Variants in ATP9B observed in about 807,000 individuals in gnomAD.
ATP9B encodes the protein probable phospholipid-transporting ATPase IIB.
In ATP9B, 110 loss-of-function variants were observed where a neutral mutation model predicts 146.1. The ratio of observed to expected loss-of-function variants is 0.75; its 90% confidence interval spans 0.65 to 0.88. The LOEUF (loss-of-function observed/expected upper bound fraction) is 0.88. ATP9B is among the 40% of genes least tolerant of loss of function. The probability of loss-of-function intolerance (pLI) is 0.00; values close to 1 mark genes in which losing one functional copy is unlikely to be tolerated. For synonymous variants in ATP9B, 604 were observed against 569.7 expected (o/e 1.06, Z -0.86); for missense variants, 1,499 against 1,496.4 (o/e 1.00, Z -0.03).
intron 15 of ATP9B, among the ~76,000 whole-genome samples, chr18:79,327,464 C>G (rs951376787): frequency 5.0e-4 from 75 of 151,224 alleles, no homozygotes; most frequent in Non-Finnish European, 7.8e-4. Flanking sequence ...CCATGGTTAG[C>G]GTGTTCTCCG....
At chr18:79,217,935 GCT>G (rs1416233073) in intron 11 of ATP9B, among the ~76,000 whole-genome samples, 1 of 152,196 alleles carries the variant, frequency 6.6e-6, no homozygotes, top group African/African-American at 2.4e-5. Flanking sequence ...AATTCTGACA[GCT>G]CTCTGAGTAG....
intron 15 of ATP9B, among the ~76,000 whole-genome samples, chr18:79,315,191 T>C (rs558435116): frequency 5.4e-4 from 82 of 152,352 alleles, no homozygotes; most frequent in Non-Finnish European, 1.1e-3. Context: ...ATTAATAGTA[T>C]TGCTTTTGGG....
Position 79,109,406 on chromosome 18 carries a change from C to A in ATP9B, c.294-949C>A, listed in dbSNP as rs911000763. On this transcript the variant is annotated intron_variant, in intron 2 of 29. Coordinates refer to ENST00000426216, the MANE Select transcript of ATP9B (RefSeq NM_198531.5). ...ATGACCAAGAAGGGGAAGAGTTGTGCTCCTGAAACCCAGACACTATTGGAA... is the reference window on the plus strand; with the variant it reads ...ATGACCAAGAAGGGGAAGAGTTGTGATCCTGAAACCCAGACACTATTGGAA... 2.0e-5 allele frequency among the ~76,000 whole-genome samples: 3 copies of A among 152,086 alleles called. 1 individual carries two copies. Among genetic ancestry groups the A allele is most frequent in the Admixed American group, 2.0e-4 (3 of 15,278 alleles).
In ATP9B at chr18:79,342,336, T is replaced by C. The variant is rs779933878; in HGVS notation, c.2352T>C (p.Ser784=). The change falls in exon 20 of 30, where the codon TCT becomes TCC. Residue 784 remains serine, a synonymous_variant. Coordinates refer to ENST00000426216, the MANE Select transcript of ATP9B (RefSeq NM_198531.5). ...TTGCCAAAAGTTCACATCTCGTGTC[T>C]AGAACACAAGATATTCATATTTTCA... The part of the protein sequence containing the change: ...TCIAKSSHLV[S]RTQDIHIFRQ... 1.2e-6 allele frequency: 2 copies of C among 1,613,196 alleles called. No individual in the cohort carries two copies. Among genetic ancestry groups the C allele is most frequent in the Non-Finnish European group, 1.7e-6 (2 of 1,179,396 alleles).
intron 12 of ATP9B, 119 bp from the exon 13 acceptor site, chr18:79,276,935 A>G: frequency 1.4e-6 from 2 of 1,463,532 alleles, no homozygotes; most frequent in Non-Finnish European, 1.9e-6. Flanking sequence ...TTGGGTATGA[A>G]CTTGGACATG....
At chr18:79,232,195 A>G (rs2095799574) in intron 11 of ATP9B, among the ~76,000 whole-genome samples, 1 of 152,128 alleles carries the variant, frequency 6.6e-6, no homozygotes, top group African/African-American at 2.4e-5. Flanking sequence ...CACTAATGGC[A>G]TGGGATATCA....
rs369957141 is a variant in ATP9B at position 79,207,032 on chromosome 18, C to G, written c.1030+20C>G. 13 of 1,607,414 alleles carry G rather than the reference C, an allele frequency of 8.1e-6. No individual in the cohort carries two copies. The African/African-American group carries it at 1.3e-4, about 17-fold the overall frequency. ...CATCAGGTAAGGAAAACATTCTCCT[C>G]TGAGTGTGATTGCTCCCGGATAGAT... On this transcript the variant is annotated intron_variant, in intron 10 of 29. Transcript: ENST00000426216.
chr18:79,332,283 G>T (rs920921913), intron 17 of ATP9B, among the ~76,000 whole-genome samples: 1 of 152,120 alleles, frequency 6.6e-6, no homozygotes, highest in South Asian at 2.1e-4. Context: ...CAAAAAATTA[G>T]CCGGGTGTGG....
At chr18:79,314,203 T>C (rs747665508) in intron 15 of ATP9B, among the ~76,000 whole-genome samples, 1 of 152,252 alleles carries the variant, frequency 6.6e-6, no homozygotes, top group Non-Finnish European at 1.5e-5. Context: ...GAGACTTAAC[T>C]AGTTTCATCC....
intron 12 of ATP9B, among the ~76,000 whole-genome samples, chr18:79,264,914 C>T (rs371144535): frequency 7.9e-5 from 12 of 152,064 alleles, no homozygotes; most frequent in Non-Finnish European, 1.5e-4. Context: ...TATAATAGTT[C>T]GATGTTTGAT....
intron 6 of ATP9B, among the ~76,000 whole-genome samples, chr18:79,152,770 T>A (rs2094711235): frequency 6.6e-6 from 1 of 152,228 alleles, no homozygotes; most frequent in Admixed American, 6.5e-5. Context: ...CTGACGGTAC[T>A]GGGTTTTCTC....
intron 17 of ATP9B, chr18:79,333,078 G>A (rs2096800307): frequency 6.6e-6 from 1 of 152,264 alleles, no homozygotes; most frequent in African/African-American, 2.4e-5. Context: ...CATTAGAGTG[G>A]GGCCTCCCAC....
At chr18:79,218,433 T>C (rs1405177737) in intron 11 of ATP9B, among the ~76,000 whole-genome samples, 5 of 151,672 alleles carry the variant, frequency 3.3e-5, no homozygotes, top group Non-Finnish European at 7.4e-5. Context: ...GTTTTCCTTG[T>C]GTTCCTTGTC....
chr18:79,347,690 C>T, intron 23 of ATP9B, 80 bp from the exon 24 acceptor site: 1 of 1,424,076 alleles, frequency 7.0e-7, no homozygotes, highest in South Asian at 1.6e-5. Flanking sequence ...AACATTTAGG[C>T]TGAGTTCTAA....
intron 19 of ATP9B, among the ~76,000 whole-genome samples, chr18:79,338,487 G>A (rs962199286): frequency 2.0e-5 from 3 of 152,184 alleles, no homozygotes; most frequent in African/African-American, 4.8e-5. Context: ...GCAGTGCCCC[G>A]TCTCATCCAG....
At chr18:79,233,983 T>C (rs1292346362) in intron 11 of ATP9B, among the ~76,000 whole-genome samples, 2 of 152,180 alleles carry the variant, frequency 1.3e-5, no homozygotes, top group East Asian at 3.9e-4. Flanking sequence ...CGTCTTCCAA[T>C]TGAGTAGGCT....
At chr18:79,245,583 CACCGCCCTAATGACTGTGCGGAGGGT>C (rs2095938800) in intron 11 of ATP9B, among the ~76,000 whole-genome samples, 2 of 150,526 alleles carry the variant, frequency 1.3e-5, no homozygotes, top group African/African-American at 2.4e-5. Context: ...GTGCGGAGGG[CACCGCCCTAATGACTGTGCGGAGGGT>C]ACCACCCTAC....
Position 79,319,405 on chromosome 18 carries a change from C to T in ATP9B, c.1774-9736C>T, listed in dbSNP as rs145228753. Among the ~76,000 whole-genome samples, 1,486 of 150,730 alleles carry T rather than the reference C, an allele frequency of 9.9e-3. 13 individuals are homozygous for T. The highest frequency in any genetic ancestry group is 0.05 in the South Asian group (236 of 4,732). On this transcript the variant is annotated intron_variant, in intron 15 of 29. Coordinates refer to ENST00000426216, the MANE Select transcript of ATP9B (RefSeq NM_198531.5). ...TAATGTGAGTGAATAGAGGAGGGGCCCCCTCCTCTCCTGGCTAACGTGAGT... is the reference window on the plus strand; with the variant it reads ...TAATGTGAGTGAATAGAGGAGGGGCTCCCTCCTCTCCTGGCTAACGTGAGT...
intron 19 of ATP9B, among the ~76,000 whole-genome samples, chr18:79,339,146 G>C (rs1194391329): frequency 1.3e-5 from 2 of 151,828 alleles, no homozygotes; most frequent in Non-Finnish European, 2.9e-5. Context: ...AATGTGTCAT[G>C]ACTGAAGTAG....
Sources: allele counts gnomAD v4.1 joint callset (sites outside exome capture counted in the v4.1 genomes callset), GRCh38; gene constraint gnomAD v4.1.1; transcripts MANE v1.5; gene names NCBI Gene and HGNC (gene_info 2026-07-23, HGNC 2026-07-21).